PDE11A: variants seen among roughly 807,000 people sequenced by gnomAD.
PDE11A encodes phosphodiesterase 11A, also known as dual 3',5'-cyclic-AMP and -GMP phosphodiesterase 11A.
Under a neutral mutation model 100.5 loss-of-function variants are expected in PDE11A, and 100 were observed. The ratio of observed to expected loss-of-function variants is 1.00; its 90% CI spans 0.85 to 1.18. The LOEUF (loss-of-function observed/expected upper bound fraction) is 1.18, where lower values mean the gene tolerates loss of function less well. Ranked by LOEUF, PDE11A falls within the 50% of genes most tolerant of loss-of-function variation. The pLI is 0.00. For missense variants in PDE11A, 1,141 were observed against 1,152.6 expected, an observed-to-expected ratio of 0.99 and a Z score of 0.15; for synonymous variants, 381 against 420.8, an observed-to-expected ratio of 0.91 and a Z score of 1.16.
rs527632923 is a variant in PDE11A, at chr2:177,673,988, G to A, written c.2487+1467C>T. Among the ~76,000 whole-genome samples, 7 of 152,258 alleles carry A rather than the reference G, an allele frequency of 4.6e-5. No homozygotes were observed. The East Asian group carries it at 5.8e-4, about 13-fold the overall frequency. ...CTGCCAACCCTAGGTGCCCATGTTC[G>A]TGAGCAATTTGTTGTTTAAAGCCAC... On this transcript the variant is annotated intron_variant, in intron 17 of 19. Coordinates refer to ENST00000286063, the MANE Select transcript of PDE11A (RefSeq NM_016953.4).
intron 2 of PDE11A, among the ~76,000 whole-genome samples, chr2:177,924,031 A>G (rs35267698): frequency 0.074 from 11,335 of 152,282 alleles, 427 homozygotes; most frequent in South Asian, 0.1. Flanking sequence ...AGAAACCCAG[A>G]TATCTGCTTT....
intron 6 of PDE11A, among the ~76,000 whole-genome samples, chr2:177,827,630 C>T (rs1247372287): frequency 6.6e-6 from 1 of 152,102 alleles, no homozygotes; most frequent in Non-Finnish European, 1.5e-5. Context: ...GCTTGTTTTG[C>T]ATTAGTGTAT....
At chr2:177,958,018 G>A (rs1299143736) in intron 2 of PDE11A, among the ~76,000 whole-genome samples, 1 of 148,198 alleles carries the variant, frequency 6.7e-6, no homozygotes, top group Admixed American at 6.8e-5. Context: ...CCCTGCTTCA[G>A]CCTCCCAAGT....
chr2:177,751,060 C>T (rs542783231), intron 10 of PDE11A, among the ~76,000 whole-genome samples: 2 of 151,638 alleles, frequency 1.3e-5, no homozygotes, highest in South Asian at 2.1e-4. Flanking sequence ...CTGAGAGCCA[C>T]TGACAGAAGC....
At chr2:177,792,364 C>T (rs2082645140) in intron 9 of PDE11A, among the ~76,000 whole-genome samples, 1 of 152,150 alleles carries the variant, frequency 6.6e-6, no homozygotes, top group Non-Finnish European at 1.5e-5. Flanking sequence ...ACTTATATAA[C>T]TAGAACTTTT....
rs888079939 is a variant in PDE11A, at chr2:177,932,907, A to G, written c.1072-27720T>C. On this transcript the variant is annotated intron_variant, in intron 2 of 19. Transcript: ENST00000286063. ...CTTTTCGCTAATGATATGATTCTAT[A>G]CTTAGACAATCCTAAGGACTTTACC... Among the ~76,000 whole-genome samples, 6 of 152,142 alleles carry G rather than the reference A, an allele frequency of 3.9e-5. No individual in the cohort carries two copies. The East Asian group carries it at 1.2e-3, about 29-fold the overall frequency.
Position 177,727,261 on chromosome 2 carries a change from C to T in PDE11A, c.2043+397G>A, listed in dbSNP as rs935236943. Among the ~76,000 whole-genome samples, 6 of 152,206 alleles carry T rather than the reference C, an allele frequency of 3.9e-5. No homozygotes were observed. The East Asian group carries it at 7.7e-4, about 20-fold the overall frequency. ...TCCTCTCAGGATTTCCATATTCCTGCGGGTGATGTTCACACCTCCCTACTG... is the reference window on the plus strand; with the variant it reads ...TCCTCTCAGGATTTCCATATTCCTGTGGGTGATGTTCACACCTCCCTACTG... On this transcript the variant is annotated intron_variant, in intron 12 of 19. Coordinates refer to ENST00000286063, the MANE Select transcript of PDE11A (RefSeq NM_016953.4).
intron 19 of PDE11A, among the ~76,000 whole-genome samples, chr2:177,643,999 C>T (rs745858030): frequency 2.0e-5 from 3 of 152,210 alleles, no homozygotes; most frequent in South Asian, 2.1e-4. Context: ...AGAGGATGTA[C>T]GGAAATGCCT....
intron 9 of PDE11A, among the ~76,000 whole-genome samples, chr2:177,805,356 C>A (rs759190898): frequency 2.6e-5 from 4 of 151,800 alleles, no homozygotes; most frequent in Non-Finnish European, 4.4e-5. Flanking sequence ...CCTCCACATT[C>A]TAAGCTCTTT....
chr2:177,707,113 G>T (rs2081292497), intron 13 of PDE11A, among the ~76,000 whole-genome samples: 1 of 152,126 alleles, frequency 6.6e-6, no homozygotes, highest in Non-Finnish European at 1.5e-5. Flanking sequence ...AGTGGTTAAA[G>T]AATGGCTTCT....
intron 12 of PDE11A, among the ~76,000 whole-genome samples, chr2:177,722,567 GCAGT>G (rs1291474589): frequency 6.6e-6 from 1 of 152,180 alleles, no homozygotes; most frequent in Non-Finnish European, 1.5e-5. Flanking sequence ...GCTCTGAGAT[GCAGT>G]CAGAGAGAAG....
chr2:177,853,531 T>A (rs1574217154), intron 5 of PDE11A, among the ~76,000 whole-genome samples: 1 of 149,968 alleles, frequency 6.7e-6, no homozygotes, highest in African/African-American at 2.5e-5. Flanking sequence ...CAGGATTCTA[T>A]CCTGCTGGAG....
upstream of PDE11A, among the ~76,000 whole-genome samples, chr2:178,075,438 G>A (rs1205396096): frequency 1.3e-5 from 2 of 151,084 alleles, no homozygotes; most frequent in African/African-American, 4.9e-5. Flanking sequence ...TGTAATCCCA[G>A]CTACTCAGGA....
chr2:177,898,920 T>C (rs1025884153), intron 3 of PDE11A, among the ~76,000 whole-genome samples: 1 of 152,212 alleles, frequency 6.6e-6, no homozygotes, highest in Admixed American at 6.5e-5. Context: ...AACTTTTAAC[T>C]TTGGAACATT....
chr2:177,766,185 G>A (rs150635927), intron 10 of PDE11A, among the ~76,000 whole-genome samples: 1 of 152,144 alleles, frequency 6.6e-6, no homozygotes, highest in African/African-American at 2.4e-5. Context: ...GAATAAAATT[G>A]TTCTACCTCA....
intron 12 of PDE11A, among the ~76,000 whole-genome samples, chr2:177,718,747 T>C (rs185887101): frequency 1.4e-4 from 22 of 152,314 alleles, no homozygotes; most frequent in Middle Eastern, 3.4e-3. Context: ...AAAATTTCCA[T>C]AAAGAACATT....
chr2:177,732,585 T>C (rs975672818), intron 10 of PDE11A, among the ~76,000 whole-genome samples: 3 of 152,214 alleles, frequency 2.0e-5, no homozygotes, highest in East Asian at 1.9e-4. Flanking sequence ...CCTGATACCA[T>C]TATAAATCCT....
rs1237911960 is a variant in PDE11A at position 177,994,357 on chromosome 2, C to T, written c.1071+19945G>A. Among the ~76,000 whole-genome samples the T allele has an allele frequency of 3.9e-5, 6 of 152,160 alleles. No homozygotes were observed. In the South Asian group the frequency reaches 1.2e-3, roughly 31 times the overall value. On this transcript the variant is annotated intron_variant, in intron 2 of 19. Coordinates refer to ENST00000286063, the MANE Select transcript of PDE11A (RefSeq NM_016953.4). The stretch of plus-strand genomic sequence containing the variant: ...TTCCAGTTAACTGTCTTTCTAAACA[C>T]AGCACCAGACCCACATGTCTGTGTG...
intron 13 of PDE11A, among the ~76,000 whole-genome samples, chr2:177,704,029 C>A (rs78235309): frequency 0.017 from 2,606 of 152,326 alleles, 68 homozygotes; most frequent in African/African-American, 0.059. Flanking sequence ...AATACTGATT[C>A]AATCACAGAA....
Sources: gnomAD v4.1 joint callset for allele counts (sites outside exome capture counted in the v4.1 genomes callset) on GRCh38, gnomAD v4.1.1 for gene constraint, MANE v1.5 for transcripts, NCBI Gene and HGNC (gene_info 2026-07-23, HGNC 2026-07-21) for gene names.